EPM2A: variants seen among roughly 807,000 people sequenced by gnomAD.
EPM2A encodes the protein laforin.
In EPM2A, 21 loss-of-function variants were observed where a neutral mutation model predicts 26.5. The observed-to-expected ratio is 0.79, with a 90% CI of 0.56 to 1.14. EPM2A has a LOEUF of 1.14. Among genes scored for constraint, EPM2A ranks in the 50% most tolerant of loss-of-function variants. The pLI is 0.00. For missense variants in EPM2A, 458 were observed against 440.8 expected (o/e 1.04, Z -0.35); for synonymous variants, 217 against 177.6 (o/e 1.22, Z -1.76).
At chr6:145,713,394 G>T (rs1045093814) in intron 1 of EPM2A, among the ~76,000 whole-genome samples, 2 of 152,136 alleles carry the variant, frequency 1.3e-5, no homozygotes, top group African/African-American at 4.8e-5. Flanking sequence ...GATTTGAATA[G>T]ACATTTCTCC....
At chr6:145,457,642 T>G (rs765535356) in intron 4 of EPM2A, among the ~76,000 whole-genome samples, 1 of 152,124 alleles carries the variant, frequency 6.6e-6, no homozygotes, top group Non-Finnish European at 1.5e-5. Flanking sequence ...TTCTAAGACA[T>G]TCTAAGAGGC....
chr6:145,598,088 A>T (rs1781372103), intron 2 of EPM2A, among the ~76,000 whole-genome samples: 1 of 152,122 alleles, frequency 6.6e-6, no homozygotes, highest in African/African-American at 2.4e-5. Context: ...GTGTATATAC[A>T]AGTAATGGGA....
chr6:145,419,935 A>T (rs1303219095), intron 4 of EPM2A, among the ~76,000 whole-genome samples: 1 of 152,166 alleles, frequency 6.6e-6, no homozygotes, highest in Non-Finnish European at 1.5e-5. Flanking sequence ...AGAAATATTG[A>T]AATCAAAATT....
intron 4 of EPM2A, among the ~76,000 whole-genome samples, chr6:145,400,378 C>T (rs1778466500): frequency 6.6e-6 from 1 of 152,154 alleles, no homozygotes; most frequent in Non-Finnish European, 1.5e-5. Context: ...TCTCATTATA[C>T]TCCCTCCCTC....
At chr6:145,387,566 G>C (rs1778279580) in intron 4 of EPM2A, among the ~76,000 whole-genome samples, 2 of 151,986 alleles carry the variant, frequency 1.3e-5, no homozygotes, top group South Asian at 4.1e-4. Context: ...TTGGTTCTTT[G>C]TCCTTGTCTC....
At chr6:145,420,495 A>G (rs1197778851) in intron 4 of EPM2A, among the ~76,000 whole-genome samples, 1 of 152,140 alleles carries the variant, frequency 6.6e-6, no homozygotes, top group Non-Finnish European at 1.5e-5. Context: ...TATAACAGAT[A>G]AAAAACATTT....
At chr6:145,634,787 T>C (rs1776524289) in intron 3 of EPM2A, 1 of 162,538 alleles carries the variant, frequency 6.2e-6, no homozygotes, top group Non-Finnish European at 1.4e-5. Context: ...AACACTACTT[T>C]CCAAGAAAAC....
intron 2 of EPM2A, among the ~76,000 whole-genome samples, chr6:145,663,079 T>G (rs910190142): frequency 6.6e-6 from 1 of 152,118 alleles, no homozygotes; most frequent in Non-Finnish European, 1.5e-5. Context: ...ATAATTAGGT[T>G]GGAATAGCAG....
intron 4 of EPM2A, among the ~76,000 whole-genome samples, chr6:145,493,397 T>C (rs1331266111): frequency 6.6e-6 from 1 of 152,208 alleles, no homozygotes; most frequent in Non-Finnish European, 1.5e-5. Context: ...GCTGATATGT[T>C]GGAATTTTCT....
intron 2 of EPM2A, among the ~76,000 whole-genome samples, chr6:145,672,053 A>G (rs367914563): frequency 6.6e-6 from 1 of 152,176 alleles, no homozygotes; most frequent in Non-Finnish European, 1.5e-5. Context: ...AAATAATTCT[A>G]TTGAAGAGGG....
chr6:145,531,260 C>T (rs1409106860), intron 2 of EPM2A, among the ~76,000 whole-genome samples: 1 of 152,098 alleles, frequency 6.6e-6, no homozygotes, highest in Non-Finnish European at 1.5e-5. Flanking sequence ...ATGGTGTTGA[C>T]TCAAAGCCTT....
intron 2 of EPM2A, among the ~76,000 whole-genome samples, chr6:145,513,005 AG>A (rs1206153095): frequency 5.3e-5 from 8 of 152,172 alleles, no homozygotes; most frequent in Non-Finnish European, 2.9e-5. Context: ...GCCCAAGCAA[AG>A]AATTTATGAT....
chr6:145,594,625 C>T (rs992957994), intron 2 of EPM2A, among the ~76,000 whole-genome samples: 2 of 151,724 alleles, frequency 1.3e-5, no homozygotes, highest in Admixed American at 1.3e-4. Flanking sequence ...GAATCAATAT[C>T]TTTGTATATA....
intron 4 of EPM2A, chr6:145,384,226 T>A (rs1778228095): frequency 6.6e-6 from 1 of 152,162 alleles, no homozygotes; most frequent in Admixed American, 6.6e-5. Flanking sequence ...AAGTCCCTAG[T>A]TTTTCTTCTT....
At position 145,637,386 on chromosome 6, in the gene EPM2A, C is replaced by A. The variant is rs377293216; in HGVS notation, c.477-1900G>T. 2.6e-5 allele frequency: 4 copies of A among 152,098 alleles called. No homozygotes were observed. The East Asian group carries it at 7.7e-4, about 29-fold the overall frequency. 9.4% of individuals were successfully genotyped at this position (152,098 alleles called of 1,614,324 possible). A position where few individuals can be genotyped will look rare whatever the true frequency, so the allele number is the denominator to read the frequency against. ...AACTAATCCTCTAATGTGGTCATGACCCATAATCAGTGAAAATTATCTCAT... is the reference window on the plus strand; with the variant it reads ...AACTAATCCTCTAATGTGGTCATGAACCATAATCAGTGAAAATTATCTCAT... On this transcript the variant is annotated intron_variant, in intron 2 of 3. Transcript: ENST00000367519.
At chr6:145,499,502 T>C (rs374889232), downstream of EPM2A, among the ~76,000 whole-genome samples, 1 of 152,198 alleles carries the variant, frequency 6.6e-6, no homozygotes, top group African/African-American at 2.4e-5. Context: ...AATTAATTAA[T>C]GTCTACCTCC....
At chr6:145,698,134 A>C (rs1010813393) in intron 1 of EPM2A, among the ~76,000 whole-genome samples, 1 of 152,232 alleles carries the variant, frequency 6.6e-6, no homozygotes, top group Non-Finnish European at 1.5e-5. Context: ...CCATGGCTTC[A>C]GCCAGTCCCT....
chr6:145,581,163 C>T (rs1208809424), intron 2 of EPM2A, among the ~76,000 whole-genome samples: 3 of 152,122 alleles, frequency 2.0e-5, no homozygotes, highest in Non-Finnish European at 2.9e-5. Context: ...TCACTAACTT[C>T]TGTTATTTTT....
intron 1 of EPM2A, among the ~76,000 whole-genome samples, chr6:145,727,982 C>A (rs1776296856): frequency 6.6e-6 from 1 of 152,128 alleles, no homozygotes; most frequent in Non-Finnish European, 1.5e-5. Flanking sequence ...CTCATGAGAT[C>A]TGGTTGTTTA....
Sources: allele counts gnomAD v4.1 joint callset (sites outside exome capture counted in the v4.1 genomes callset), GRCh38; gene constraint gnomAD v4.1.1; transcripts MANE v1.5; gene names NCBI Gene and HGNC (gene_info 2026-07-23, HGNC 2026-07-21).